Variants in SLC26A7 observed in about 807,000 individuals in gnomAD.
SLC26A7 encodes solute carrier family 26 member 7, also known as anion exchange transporter.
In SLC26A7, 59 loss-of-function variants were observed where a neutral mutation model predicts 82.5. The observed-to-expected ratio is 0.72, with a 90% confidence interval of 0.58 to 0.89. The LOEUF (loss-of-function observed/expected upper bound fraction) is 0.89, where lower values mean the gene tolerates loss of function less well. Ranked by LOEUF, SLC26A7 falls within the 40% of genes least tolerant of loss-of-function variation. The pLI is 0.00. For missense variants in SLC26A7, 820 were observed against 793.0 expected, an observed-to-expected ratio of 1.03 and a Z score of -0.41; for synonymous variants, 271 against 274.3, an observed-to-expected ratio of 0.99 and a Z score of 0.12.
At chr8:91,233,197 C>T (rs772636927) in intron 2 of SLC26A7, among the ~76,000 whole-genome samples, 15 of 152,082 alleles carry the variant, frequency 9.9e-5, no homozygotes, top group Non-Finnish European at 2.2e-4. Flanking sequence ...TAATGCAAAA[C>T]AGGATAAGTG....
At chr8:91,290,971 A>G (rs1359292748) in intron 3 of SLC26A7, among the ~76,000 whole-genome samples, 1 of 152,104 alleles carries the variant, frequency 6.6e-6, no homozygotes, top group Non-Finnish European at 1.5e-5. Flanking sequence ...CTTTATTTCC[A>G]TCTCAGGCCT....
intron 2 of SLC26A7, among the ~76,000 whole-genome samples, chr8:91,222,485 TATG>T (rs1374229775): frequency 2.0e-5 from 3 of 152,210 alleles, no homozygotes; most frequent in Non-Finnish European, 4.4e-5. Context: ...GCCCATTCAA[TATG>T]ATATTTGCTG....
intron 4 of SLC26A7, among the ~76,000 whole-genome samples, chr8:91,313,529 C>T (rs554157874): frequency 6.6e-6 from 1 of 152,206 alleles, no homozygotes; most frequent in Non-Finnish European, 1.5e-5. Flanking sequence ...AACTCTTTCC[C>T]CCAAACCTGA....
At chr8:91,270,278 ATTCC>A (rs1213166742) in intron 2 of SLC26A7, among the ~76,000 whole-genome samples, 2 of 152,174 alleles carry the variant, frequency 1.3e-5, no homozygotes, top group Non-Finnish European at 2.9e-5. Context: ...CAGGCCTGCT[ATTCC>A]TTTCCATTCT....
intron 14 of SLC26A7, among the ~76,000 whole-genome samples, chr8:91,368,532 C>T (rs920057986): frequency 1.3e-5 from 2 of 151,880 alleles, no homozygotes; most frequent in East Asian, 3.9e-4. Flanking sequence ...CATTCTCCTG[C>T]CTCAGCCTCC....
chr8:91,261,460 A>G (rs919680013), intron 2 of SLC26A7, among the ~76,000 whole-genome samples: 1 of 152,030 alleles, frequency 6.6e-6, no homozygotes. Flanking sequence ...TTTTGCCTTG[A>G]GTAGATTGTA....
chr8:91,276,753 C>G (rs529929345), intron 2 of SLC26A7, among the ~76,000 whole-genome samples: 3 of 152,258 alleles, frequency 2.0e-5, no homozygotes, highest in African/African-American at 7.2e-5. Context: ...CAGACAAAGC[C>G]ATAAACTGCT....
intron 2 of SLC26A7, among the ~76,000 whole-genome samples, chr8:91,251,938 T>G (rs1166754249): frequency 1.3e-5 from 2 of 152,122 alleles, no homozygotes; most frequent in South Asian, 2.1e-4. Flanking sequence ...AGTTTTTAGA[T>G]TCAAAGGCAA....
intron 8 of SLC26A7, among the ~76,000 whole-genome samples, chr8:91,342,877 A>C (rs1254760022): frequency 6.6e-6 from 1 of 152,222 alleles, no homozygotes; most frequent in Non-Finnish European, 1.5e-5. Context: ...AGGCATTAAA[A>C]TGTGATGGCC....
intron 2 of SLC26A7, among the ~76,000 whole-genome samples, chr8:91,238,309 C>T (rs543468576): frequency 1.3e-5 from 2 of 152,074 alleles, no homozygotes; most frequent in Admixed American, 1.3e-4. Context: ...TATTTTTCTT[C>T]ATTATGAATA....
chr8:91,311,035 C>G (rs1253688408), intron 4 of SLC26A7, among the ~76,000 whole-genome samples: 5 of 152,116 alleles, frequency 3.3e-5, no homozygotes, highest in Admixed American at 3.3e-4. Context: ...TCCGAGGAGG[C>G]AAGAGTTGAG....
chr8:91,361,752 C>T (rs1814055069), intron 11 of SLC26A7, among the ~76,000 whole-genome samples: 1 of 152,042 alleles, frequency 6.6e-6, no homozygotes, highest in African/African-American at 2.4e-5. Flanking sequence ...TTGAAATGTT[C>T]CCCAAAACTA....
At position 91,343,420 on chromosome 8, in the gene SLC26A7, C is replaced by T. The variant is rs750412971; in HGVS notation, c.1094C>T (p.Ala365Val). 3 of 1,612,980 alleles carry T rather than the reference C, an allele frequency of 1.9e-6. No individual in the cohort carries two copies. The highest frequency in any genetic ancestry group is 2.5e-6 in the Non-Finnish European group (3 of 1,179,860). The change falls in exon 9 of 19, where the codon GCC becomes GTC. Residue 365 changes from alanine to valine, a missense_variant. Transcript: ENST00000276609. Reference protein sequence around the residue: ...SFFFCIPSAAAMGRTAGLYST... With the variant: ...SFFFCIPSAAVMGRTAGLYST... The stretch of plus-strand genomic sequence containing the variant: ...TTCTTCTGCATACCAAGTGCTGCTG[C>T]CATGGGAAGGACGGCTGGCCTGTAC...
intron 15 of SLC26A7, 36 bp from the exon 16 acceptor site, chr8:91,389,302 A>G: frequency 6.6e-7 from 1 of 1,526,288 alleles, no homozygotes; most frequent in South Asian, 1.1e-5. Flanking sequence ...AGTCTCTTAA[A>G]ACTCTCCCTA....
intron 15 of SLC26A7, among the ~76,000 whole-genome samples, chr8:91,372,254 T>C (rs1208817929): frequency 1.3e-5 from 2 of 151,904 alleles, no homozygotes; most frequent in Non-Finnish European, 2.9e-5. Context: ...CCCATTTGTC[T>C]ACTTTTGTTT....
chr8:91,322,380 A>G (rs1387255820), intron 5 of SLC26A7, among the ~76,000 whole-genome samples: 4 of 152,208 alleles, frequency 2.6e-5, no homozygotes, highest in African/African-American at 7.2e-5. Flanking sequence ...CAATAATGTT[A>G]TAAGGGTCAC....
At chr8:91,349,500 G>A (rs1813656534) in intron 9 of SLC26A7, among the ~76,000 whole-genome samples, 1 of 152,162 alleles carries the variant, frequency 6.6e-6, no homozygotes, top group Non-Finnish European at 1.5e-5. Context: ...GAATTATTTA[G>A]TTAGGTTGTA....
At position 91,219,215 on chromosome 8, in the gene SLC26A7, G is replaced by A. The variant is rs537761533; in HGVS notation, c.-34+210G>A. ...GGTGTGCTTTTTTTGGCTTAAAAAA[G>A]TACAAAAAAAAATTGAAAAATAAAG... On this transcript the variant is annotated intron_variant, in intron 2 of 5. Coordinates refer to the SLC26A7 transcript ENST00000522862. 2.5e-4 allele frequency: 86 copies of A among 350,152 alleles called. 1 individual carries two copies. In the Admixed American group the frequency reaches 3.8e-3, roughly 15 times the overall value. 21.7% of individuals were successfully genotyped at this position (350,152 alleles called of 1,614,324 possible).
At chr8:91,312,248 C>T (rs1812509312) in intron 4 of SLC26A7, among the ~76,000 whole-genome samples, 1 of 152,202 alleles carries the variant, frequency 6.6e-6, no homozygotes, top group Non-Finnish European at 1.5e-5. Flanking sequence ...AGCATAATGT[C>T]CTCAAGGCTC....
Sources: gnomAD v4.1 joint callset for allele counts (sites outside exome capture counted in the v4.1 genomes callset) on GRCh38, gnomAD v4.1.1 for gene constraint, MANE v1.5 for transcripts, NCBI Gene and HGNC (gene_info 2026-07-23, HGNC 2026-07-21) for gene names.